DMD: variants seen among roughly 807,000 people sequenced by gnomAD.
DMD encodes the protein mutant dystrophin.
Under a neutral mutation model 330.1 loss-of-function variants are expected in DMD, and 63 were observed. That is an observed-to-expected ratio of 0.19 (90% confidence interval 0.16 to 0.24). The LOEUF (loss-of-function observed/expected upper bound fraction) is 0.24. Ranked by LOEUF, DMD falls within the 10% of genes least tolerant of loss-of-function variation. DMD has a pLI of 1.00. For missense variants in DMD, 3,344 were observed against 2,684.1 expected (o/e 1.25, Z -5.43); for synonymous variants, 1,223 against 959.8 (o/e 1.27, Z -5.07).
chrX:32,849,605 T>C, intron 3 of DMD, 123 bp downstream of exon 3: 2 of 525,452 alleles, frequency 3.8e-6, no homozygotes, highest in Non-Finnish European at 6.6e-6. Context: ...TACTAAGGAA[T>C]AGGTATTGCT....
At chrX:31,895,850 AT>A (rs2094324062) in intron 47 of DMD, among the ~76,000 whole-genome samples, 1 of 111,991 alleles carries the variant, frequency 8.9e-6, no homozygotes, top group Non-Finnish European at 1.9e-5. Context: ...AAAGCGCGGC[AT>A]AATTTTTCTT....
intron 10 of DMD, 140 bp downstream of exon 10, chrX:32,644,824 C>A: frequency 1.3e-6 from 1 of 750,460 alleles, no homozygotes; most frequent in Non-Finnish European, 2.0e-6. Flanking sequence ...ACTTCAAAAT[C>A]TGACTGTTGG....
intron 60 of DMD, among the ~76,000 whole-genome samples, chrX:31,381,705 C>T (rs1223517045): frequency 1.8e-5 from 2 of 111,954 alleles, no homozygotes; most frequent in African/African-American, 6.5e-5. Flanking sequence ...ATGGCAGTTC[C>T]ACCAGGCCTA....
chrX:31,955,854 G>A (rs2095240649), intron 45 of DMD, among the ~76,000 whole-genome samples: 1 of 111,920 alleles, frequency 8.9e-6, no homozygotes, highest in Admixed American at 9.5e-5. Flanking sequence ...ACATATGTAG[G>A]TCTAATCTGA....
chrX:33,115,311 A>G (rs1011222851), intron 1 of DMD, among the ~76,000 whole-genome samples: 3 of 111,210 alleles, frequency 2.7e-5, no homozygotes, highest in African/African-American at 9.8e-5. Flanking sequence ...GCTAAAATGG[A>G]TTGTGATGCA....
At chrX:33,005,627 A>T (rs1397080394) in intron 2 of DMD, among the ~76,000 whole-genome samples, 1 of 109,776 alleles carries the variant, frequency 9.1e-6, no homozygotes, top group Admixed American at 9.8e-5. Context: ...AATATAAAAA[A>T]ATGAACAAAA....
At chrX:33,060,226 A>G (rs368753490) in intron 1 of DMD, among the ~76,000 whole-genome samples, 16 of 110,895 alleles carry the variant, frequency 1.4e-4, no homozygotes, top group African/African-American at 5.2e-4. Context: ...AGTGGATGGA[A>G]AATTATTAAG....
intron 4 of DMD, among the ~76,000 whole-genome samples, chrX:32,829,414 A>T (rs2078992873): frequency 9.0e-6 from 1 of 111,440 alleles, no homozygotes; most frequent in South Asian, 3.7e-4. Context: ...AAATTGTTAT[A>T]AAATTGCTTT....
intron 22 of DMD, among the ~76,000 whole-genome samples, chrX:32,470,203 A>C (rs927084611): frequency 9.1e-6 from 1 of 110,359 alleles, no homozygotes; most frequent in African/African-American, 3.3e-5. Flanking sequence ...TTTTTGGAGG[A>C]TACCTTACTC....
intron 11 of DMD, among the ~76,000 whole-genome samples, chrX:32,635,779 A>C (rs1314485268): frequency 8.9e-6 from 1 of 112,061 alleles, no homozygotes; most frequent in African/African-American, 3.2e-5. Context: ...CTTTAAAGCC[A>C]GAATCCAAAC....
intron 4 of DMD, among the ~76,000 whole-genome samples, chrX:32,840,689 G>A (rs944161418): frequency 1.8e-5 from 2 of 111,713 alleles, no homozygotes; most frequent in Non-Finnish European, 3.8e-5. Flanking sequence ...ATCATAGTAG[G>A]TATAATTTGT....
chrX:32,683,290 T>C (rs1395803126), intron 9 of DMD, among the ~76,000 whole-genome samples: 7 of 110,868 alleles, frequency 6.3e-5, no homozygotes, highest in Non-Finnish European at 1.3e-4. Context: ...ATCACATTAC[T>C]GGGTATATAC....
At chrX:33,234,137 G>A (rs1461270426) in intron 1 of DMD, among the ~76,000 whole-genome samples, 2 of 111,687 alleles carry the variant, frequency 1.8e-5, no homozygotes, top group East Asian at 5.7e-4. Context: ...AAGGTAGATT[G>A]GAATTGCACT....
chrX:31,951,533 CTATT>C (rs1399030223), intron 45 of DMD, among the ~76,000 whole-genome samples: 1 of 109,170 alleles, frequency 9.2e-6, no homozygotes, highest in Non-Finnish European at 1.9e-5. Flanking sequence ...TTGTTTTTAA[CTATT>C]TATTTTCTTA....
intron 55 of DMD, among the ~76,000 whole-genome samples, chrX:31,537,788 T>C (rs1339190056): frequency 8.9e-6 from 1 of 111,894 alleles, no homozygotes; most frequent in Non-Finnish European, 1.9e-5. Context: ...GCCTTCTGCA[T>C]CCTGCCAAGC....
chrX:31,797,257 G>A (rs1481506313), intron 50 of DMD, among the ~76,000 whole-genome samples: 5 of 111,529 alleles, frequency 4.5e-5, no homozygotes, highest in African/African-American at 1.6e-4. Flanking sequence ...ACTGAAGAGG[G>A]CTAACAGGGA....
intron 60 of DMD, among the ~76,000 whole-genome samples, chrX:31,381,506 T>C (rs2060179397): frequency 8.9e-6 from 1 of 111,874 alleles, no homozygotes; most frequent in Non-Finnish European, 1.9e-5. Context: ...CCTTCAGCTG[T>C]ACTCACTCTT....
intron 41 of DMD, among the ~76,000 whole-genome samples, chrX:32,314,023 T>G (rs1465223785): frequency 8.9e-6 from 1 of 111,864 alleles, no homozygotes; most frequent in Non-Finnish European, 1.9e-5. Context: ...CCATTGACTT[T>G]CTTCACAGAA....
intron 62 of DMD, among the ~76,000 whole-genome samples, chrX:31,284,864 C>CACACA (rs1569517175): frequency 1.4e-4 from 12 of 84,588 alleles, no homozygotes; most frequent in Non-Finnish European, 2.7e-4. Context: ...ACACACACAC[C>CACACA]CACACCCACA....
Sources: allele counts gnomAD v4.1 joint callset (sites outside exome capture counted in the v4.1 genomes callset), GRCh38; gene constraint gnomAD v4.1.1; transcripts MANE v1.5; gene names NCBI Gene and HGNC (gene_info 2026-07-23, HGNC 2026-07-21).